Variants in DLG2 observed in about 807,000 individuals in gnomAD.
DLG2 encodes discs large MAGUK scaffold protein 2, also known as disks large homolog 2.
A neutral mutation model predicts 132.5 loss-of-function variants in DLG2; 45 were observed. That is an observed-to-expected ratio of 0.34 (90% confidence interval 0.27 to 0.44). The LOEUF (loss-of-function observed/expected upper bound fraction) is 0.44, where lower values mean the gene tolerates loss of function less well. DLG2 is among the 20% of genes least tolerant of loss of function. The probability of loss-of-function intolerance (pLI) is 1.00; values close to 1 mark genes in which losing one functional copy is unlikely to be tolerated. For missense variants in DLG2, 1,045 were observed against 1,196.9 expected (o/e 0.87, Z 1.87); for synonymous variants, 424 against 419.6 (o/e 1.01, Z -0.13).
intron 6 of DLG2, among the ~76,000 whole-genome samples, chr11:85,010,661 T>A (rs764798033): frequency 1.3e-5 from 2 of 152,148 alleles, no homozygotes; most frequent in African/African-American, 4.8e-5. Context: ...AGATCTAACA[T>A]TGACTCAAGT....
intron 18 of DLG2, chr11:83,693,052 G>A (rs926000843): frequency 6.6e-6 from 1 of 152,118 alleles, no homozygotes; most frequent in Non-Finnish European, 1.5e-5. Context: ...AAGAAGACCG[G>A]CTTTAGACTT....
chr11:84,313,862 T>C (rs1460219487), intron 7 of DLG2, among the ~76,000 whole-genome samples: 1 of 152,168 alleles, frequency 6.6e-6, no homozygotes, highest in Non-Finnish European at 1.5e-5. Context: ...ATCCTAGATG[T>C]ACATTTTGGA....
At chr11:85,149,487 C>G (rs2077085799) in intron 5 of DLG2, among the ~76,000 whole-genome samples, 1 of 152,042 alleles carries the variant, frequency 6.6e-6, no homozygotes, top group Non-Finnish European at 1.5e-5. Context: ...ATGCCACTTC[C>G]CATCCCATCT....
intron 18 of DLG2, among the ~76,000 whole-genome samples, chr11:83,652,523 A>G (rs2070891607): frequency 2.0e-5 from 3 of 152,054 alleles, no homozygotes; most frequent in African/African-American, 7.2e-5. Context: ...GGCGTGCACC[A>G]CCACACCTGG....
Position 84,645,469 on chromosome 11 carries a change from T to C in DLG2, c.358-110738A>G, listed in dbSNP as rs190275157. Among the ~76,000 whole-genome samples the C allele has an allele frequency of 8.3e-3, 1,261 of 152,164 alleles. 7 individuals are homozygous for C. The highest frequency in any genetic ancestry group is 0.034 in the Middle Eastern group (10 of 294). The stretch of plus-strand genomic sequence containing the variant: ...AGTGACCATCCATAATTATCTTTAT[T>C]TATTTATTTATTTTTTGAGACAGAG... On this transcript the variant is annotated intron_variant, in intron 6 of 27. Transcript: ENST00000376104.
intron 6 of DLG2, among the ~76,000 whole-genome samples, chr11:84,947,174 A>C (rs1162273255): frequency 3.3e-5 from 5 of 152,144 alleles, no homozygotes; most frequent in Non-Finnish European, 7.4e-5. Flanking sequence ...ATAGGATTTA[A>C]AAACCAGGTA....
At chr11:84,554,822 T>A (rs1244297144) in intron 6 of DLG2, among the ~76,000 whole-genome samples, 1 of 152,118 alleles carries the variant, frequency 6.6e-6, no homozygotes, top group Non-Finnish European at 1.5e-5. Flanking sequence ...AGGAACCATA[T>A]TCATTAGAGA....
Position 84,998,013 on chromosome 11 carries a change from A to T in DLG2, c.357+113648T>A, listed in dbSNP as rs565964234. Among the ~76,000 whole-genome samples the T allele has an allele frequency of 3.7e-4, 57 of 152,308 alleles. 2 individuals are homozygous for T. Among genetic ancestry groups the T allele is most frequent in the African/African-American group, 1.3e-3 (54 of 41,572 alleles). ...GAGTGCAAGCACACTTTAAAATATT[A>T]AAGATAATTATTTTAAAATTGTTTT... is the stretch of plus-strand genomic sequence containing the variant. On this transcript the variant is annotated intron_variant, in intron 6 of 27. Transcript: ENST00000376104.
chr11:84,704,850 T>C (rs1028262197), intron 6 of DLG2, among the ~76,000 whole-genome samples: 7 of 149,316 alleles, frequency 4.7e-5, no homozygotes, highest in African/African-American at 1.7e-4. Flanking sequence ...AGTTAATTCA[T>C]ATATATATAT....
chr11:85,410,434 C>T (rs567186387), intron 3 of DLG2, among the ~76,000 whole-genome samples: 9 of 151,814 alleles, frequency 5.9e-5, no homozygotes, highest in Admixed American at 5.9e-4. Context: ...GTGCCCCTTT[C>T]TCAAAAGAAT....
At chr11:85,035,850 AC>A (rs986354569) in intron 6 of DLG2, among the ~76,000 whole-genome samples, 2 of 151,832 alleles carry the variant, frequency 1.3e-5, no homozygotes, top group African/African-American at 4.8e-5. Flanking sequence ...AGTTATGATA[AC>A]CCCCACCCAT....
intron 7 of DLG2, among the ~76,000 whole-genome samples, chr11:84,321,973 A>T (rs1486036965): frequency 6.6e-6 from 1 of 152,230 alleles, no homozygotes; most frequent in Non-Finnish European, 1.5e-5. Flanking sequence ...ACAAAATTGT[A>T]TTTAAAACAA....
chr11:83,581,725 G>A (rs2096979862), intron 19 of DLG2, among the ~76,000 whole-genome samples: 1 of 152,128 alleles, frequency 6.6e-6, no homozygotes, highest in Non-Finnish European at 1.5e-5. Context: ...GTGCCTCAAT[G>A]TAAAGAGTAA....
At chr11:84,224,200 G>A (rs2096957641) in intron 8 of DLG2, among the ~76,000 whole-genome samples, 1 of 152,210 alleles carries the variant, frequency 6.6e-6, no homozygotes, top group South Asian at 2.1e-4. Flanking sequence ...AAGAAGTTGA[G>A]AGCGGTTATT....
At chr11:83,517,664 G>T (rs2095343024) in intron 21 of DLG2, among the ~76,000 whole-genome samples, 1 of 152,074 alleles carries the variant, frequency 6.6e-6, no homozygotes, top group African/African-American at 2.4e-5. Flanking sequence ...ATCTACCTTT[G>T]GTCTTTGATG....
Position 85,503,797 on chromosome 11 carries a change from T to A in DLG2, c.40+94860A>T, listed in dbSNP as rs149073872. Among the ~76,000 whole-genome samples, 70 of 152,168 alleles carry A rather than the reference T, an allele frequency of 4.6e-4. 5 individuals carry two copies. The East Asian group carries it at 0.014, about 30-fold the overall frequency. ...AAATCAAAAAATTAGTTGGGCATGG[T>A]GGCACACACCTGTAGTCCCAGCTAT... On this transcript the variant is annotated intron_variant, in intron 3 of 27. Coordinates refer to ENST00000376104, the MANE Select transcript of DLG2 (RefSeq NM_001142699.3).
intron 19 of DLG2, among the ~76,000 whole-genome samples, chr11:83,611,942 A>C (rs1328489764): frequency 6.6e-6 from 1 of 152,176 alleles, no homozygotes; most frequent in African/African-American, 2.4e-5. Context: ...GCGGGAGGGA[A>C]GCATGCATTT....
At chr11:84,107,613 G>A (rs2093057036) in intron 9 of DLG2, among the ~76,000 whole-genome samples, 1 of 152,054 alleles carries the variant, frequency 6.6e-6, no homozygotes, top group South Asian at 2.1e-4. Flanking sequence ...TTTTGACACA[G>A]CATAACTCAG....
At chr11:84,693,928 G>C (rs1260358330) in intron 6 of DLG2, among the ~76,000 whole-genome samples, 2 of 151,604 alleles carry the variant, frequency 1.3e-5, no homozygotes, top group Admixed American at 6.6e-5. Flanking sequence ...TGGAAATTCA[G>C]ATGAACTCCT....
Sources: allele counts gnomAD v4.1 joint callset (sites outside exome capture counted in the v4.1 genomes callset), GRCh38; gene constraint gnomAD v4.1.1; transcripts MANE v1.5; gene names NCBI Gene and HGNC (gene_info 2026-07-23, HGNC 2026-07-21).